Variants in SOCS7 observed in about 807,000 individuals in gnomAD.
SOCS7 encodes suppressor of cytokine signaling 7.
Under a neutral mutation model 58.9 loss-of-function variants are expected in SOCS7, and 18 were observed. The observed-to-expected ratio is 0.31, with a 90% confidence interval of 0.21 to 0.45. SOCS7 has a LOEUF of 0.45. Ranked by LOEUF, SOCS7 falls within the 20% of genes least tolerant of loss-of-function variation. The pLI, the probability that SOCS7 is intolerant of heterozygous loss-of-function variation, is 1.00. For synonymous variants in SOCS7, 388 were observed against 364.3 expected, an observed-to-expected ratio of 1.06 and a Z score of -0.74; for missense variants, 667 against 837.3, an observed-to-expected ratio of 0.80 and a Z score of 2.51.
rs535749018 is a variant in SOCS7 at position 38,351,985 on chromosome 17, C to T, written c.-68C>T. ...CCGGGGGCCGCGGCGGGCGGGGCTC[C>T]GGCGGGGCCCGGCCTAGTCCCCACC... On this transcript the variant is annotated 5_prime_UTR_variant, in exon 1 of 10. Coordinates refer to ENST00000612932, the MANE Select transcript of SOCS7 (RefSeq NM_014598.4). 6.9e-4 allele frequency among the ~76,000 whole-genome samples: 105 copies of T among 151,112 alleles called. No individual in the cohort carries two copies. The East Asian group carries it at 9.0e-3, about 13-fold the overall frequency.
chr17:38,401,536 G>A lies in SOCS7; in HGVS notation c.*2054G>A, dbSNP rs542564288. The A allele has an allele frequency of 7.2e-5, 11 of 152,030 alleles. No individual in the cohort carries two copies. Among genetic ancestry groups the A allele is most frequent in the Admixed American group, 2.6e-4 (4 of 15,274 alleles). The allele number at this position is 152,030 out of a possible 1,614,324, so 9.4% of individuals were successfully genotyped here. A position where few individuals can be genotyped will look rare whatever the true frequency, so the allele number is the denominator to read the frequency against. On this transcript the variant is annotated 3_prime_UTR_variant, in exon 10 of 10. Transcript: ENST00000612932. ...TGTGCCTGGCTTTGCGCTAGATATT[G>A]TAGAAAACAAAAAAGGTAAAAGACG...
At chr17:38,355,033 C>G (rs2037616033) in intron 1 of SOCS7, among the ~76,000 whole-genome samples, 1 of 152,164 alleles carries the variant, frequency 6.6e-6, no homozygotes, top group South Asian at 2.1e-4. Context: ...AAGCTTAGTT[C>G]AGGGCACTGG....
rs587655337 is a variant in SOCS7, at chr17:38,359,790, T to A, written c.981-1921T>A. ...TAAAAAAATTTTTAATTAAAAAAAA[T>A]TTTTTTTTGAGACAAGGTCTCTGTC... On this transcript the variant is annotated intron_variant, in intron 1 of 9. Coordinates refer to ENST00000612932, the MANE Select transcript of SOCS7 (RefSeq NM_014598.4). Among the ~76,000 whole-genome samples, 179 of 151,094 alleles carry A rather than the reference T, an allele frequency of 1.2e-3. 1 individual carries two copies. Among genetic ancestry groups the A allele is most frequent in the South Asian group, 2.3e-3 (11 of 4,796 alleles).
At chr17:38,362,941 C>T (rs1020261361) in intron 2 of SOCS7, among the ~76,000 whole-genome samples, 5 of 152,010 alleles carry the variant, frequency 3.3e-5, no homozygotes, top group Non-Finnish European at 5.9e-5. Flanking sequence ...TGTGAAACCC[C>T]GTCTCTACTA....
chr17:38,371,022 T>C (rs2037856844), intron 6 of SOCS7, among the ~76,000 whole-genome samples: 1 of 152,238 alleles, frequency 6.6e-6, no homozygotes, highest in South Asian at 2.1e-4. Flanking sequence ...TTTGTCTTTG[T>C]CTTTTTTAAG....
At chr17:38,379,121 G>A (rs2037967516) in intron 7 of SOCS7, among the ~76,000 whole-genome samples, 1 of 145,070 alleles carries the variant, frequency 6.9e-6, no homozygotes, top group Admixed American at 7.2e-5. Flanking sequence ...TTACGTCACT[G>A]CACTCCAGCC....
chr17:38,354,681 T>TA (rs1359282383), intron 1 of SOCS7, among the ~76,000 whole-genome samples: 1 of 152,214 alleles, frequency 6.6e-6, no homozygotes, highest in Non-Finnish European at 1.5e-5. Flanking sequence ...ATGCTCCACT[T>TA]ACCAGCACAG....
intron 8 of SOCS7, 129 bp from the exon 9 acceptor site, chr17:38,395,719 A>G (rs41418149): frequency 4.7e-5 from 47 of 1,005,842 alleles, no homozygotes; most frequent in Non-Finnish European, 6.7e-5. Flanking sequence ...GAACTATAAT[A>G]ACTGAGAAAA....
chr17:38,384,583 C>A (rs1275174983), intron 7 of SOCS7, among the ~76,000 whole-genome samples: 1 of 151,686 alleles, frequency 6.6e-6, no homozygotes, highest in Non-Finnish European at 1.5e-5. Context: ...TGTGAACCAC[C>A]ATGCCCAGCT....
rs550371744 is a variant in SOCS7 at position 38,400,486 on chromosome 17, T to G, written c.*1004T>G. ...TTACTTCCATGTGCCTGTCAGCTTG[T>G]GAGGGGGAATGTGGAGGAAGGTGAG... On this transcript the variant is annotated 3_prime_UTR_variant, in exon 10 of 10. Coordinates refer to ENST00000612932, the MANE Select transcript of SOCS7 (RefSeq NM_014598.4). 1 of 152,096 alleles carries G rather than the reference T, an allele frequency of 6.6e-6. No individual in the cohort carries two copies. The highest frequency in any genetic ancestry group is 1.5e-5 in the Non-Finnish European group (1 of 68,020). 9.4% of individuals were successfully genotyped at this position (152,096 alleles called of 1,614,324 possible). A position where few individuals can be genotyped will look rare whatever the true frequency, so the allele number is the denominator to read the frequency against.
At position 38,403,649 on chromosome 17, in the gene SOCS7, G is replaced by A. The variant is rs1357008211; in HGVS notation, c.*4167G>A. 7 of 152,146 alleles carry A rather than the reference G, an allele frequency of 4.6e-5. No homozygotes were observed. Among genetic ancestry groups the A allele is most frequent in the Non-Finnish European group, 1.0e-4 (7 of 68,072 alleles). 9.4% of individuals were successfully genotyped at this position (152,146 alleles called of 1,614,324 possible). A position where few individuals can be genotyped will look rare whatever the true frequency, so the allele number is the denominator to read the frequency against. Reference sequence around the variant, plus strand: ...GTGTGTCCTCATTTGCAGAAGTCTTGCTACCAGTTAGGGTGTTAAGAGCAT... The same window carrying A: ...GTGTGTCCTCATTTGCAGAAGTCTTACTACCAGTTAGGGTGTTAAGAGCAT... On this transcript the variant is annotated 3_prime_UTR_variant, in exon 10 of 10. Transcript: ENST00000612932.
intron 9 of SOCS7, among the ~76,000 whole-genome samples, chr17:38,399,262 G>A (rs2038288083): frequency 6.6e-6 from 1 of 152,096 alleles, no homozygotes; most frequent in Non-Finnish European, 1.5e-5. Context: ...TTTATGCAAT[G>A]TGGTAGGATG....
chr17:38,399,568 A>AAG lies in SOCS7; in HGVS notation c.*89_*90dup, dbSNP rs56126906. 3.4e-3 allele frequency: 512 copies of AAG among 152,786 alleles called. 1 individual carries two copies. The highest frequency in any genetic ancestry group is 0.01 in the Middle Eastern group (3 of 294). The allele number at this position is 152,786 out of a possible 1,614,324, so 9.5% of individuals were successfully genotyped here. A position where few individuals can be genotyped will look rare whatever the true frequency, so the allele number is the denominator to read the frequency against. On this transcript the variant is annotated 3_prime_UTR_variant, in exon 10 of 10. Coordinates refer to ENST00000612932, the MANE Select transcript of SOCS7 (RefSeq NM_014598.4). ...AACCAAATTAAGCTACCATGAAAAG[A>AAG]AGAGGAAAAGTGAGGGAACAGGAAG...
At chr17:38,386,323 CAAAAAAA>C (rs548448434) in intron 7 of SOCS7, among the ~76,000 whole-genome samples, 14 of 51,800 alleles carry the variant, frequency 2.7e-4, no homozygotes, top group South Asian at 7.6e-4. Flanking sequence ...GGCTGTGTCT[CAAAAAAA>C]AAAAAAAAAA....
chr17:38,391,493 C>T (rs1311106412), intron 7 of SOCS7, among the ~76,000 whole-genome samples: 10 of 152,162 alleles, frequency 6.6e-5, no homozygotes, highest in South Asian at 4.1e-4. Flanking sequence ...TGGGCTTAAG[C>T]AGTCCTCCCA....
intron 1 of SOCS7, among the ~76,000 whole-genome samples, chr17:38,353,445 A>G (rs1172354047): frequency 1.3e-5 from 2 of 152,038 alleles, no homozygotes; most frequent in Non-Finnish European, 2.9e-5. Flanking sequence ...CCAGCACCGC[A>G]CCTCCCTTCA....
chr17:38,352,942 C>T lies in SOCS7; in HGVS notation c.890C>T (p.Thr297Ile), dbSNP rs1307098788. The T allele has an allele frequency of 2.5e-6, 4 of 1,608,012 alleles. No homozygotes were observed. Among genetic ancestry groups the T allele is most frequent in the Non-Finnish European group, 3.4e-6 (4 of 1,178,542 alleles). Residue 297 changes from threonine (T) to isoleucine (I), a missense_variant, in exon 1 of 10, where the codon ACC becomes ATC. Coordinates refer to ENST00000612932, the MANE Select transcript of SOCS7 (RefSeq NM_014598.4). The surrounding 1 kb of genome is among the most constrained non-coding windows in gnomAD (Gnocchi z 5.5). The part of the protein sequence containing the change: ...CNGGSGGGDG[T>I]GKRPSGELAA... ...GGTGGCTCCGGCGGTGGGGATGGGACCGGCAAGAGGCCTTCTGGAGAGCTG... is the reference window on the plus strand; with the variant it reads ...GGTGGCTCCGGCGGTGGGGATGGGATCGGCAAGAGGCCTTCTGGAGAGCTG...
At chr17:38,370,146 C>T (rs1254743445) in intron 6 of SOCS7, among the ~76,000 whole-genome samples, 1 of 151,892 alleles carries the variant, frequency 6.6e-6, no homozygotes. Flanking sequence ...TACAGGTGTG[C>T]ACCACCACGC....
At chr17:38,387,638 A>G (rs1422410848) in intron 7 of SOCS7, among the ~76,000 whole-genome samples, 2 of 86,146 alleles carry the variant, frequency 2.3e-5, no homozygotes, top group Non-Finnish European at 4.1e-5. Flanking sequence ...TATATTGTAT[A>G]TTATATACAC....
Sources: allele counts gnomAD v4.1 joint callset (sites outside exome capture counted in the v4.1 genomes callset), GRCh38; gene constraint gnomAD v4.1.1; non-coding constraint Gnocchi (gnomAD v3.1); transcripts MANE v1.5; gene names NCBI Gene and HGNC (gene_info 2026-07-23, HGNC 2026-07-21).